ITPR1: variants seen among roughly 807,000 people sequenced by gnomAD.
The protein encoded by ITPR1 is inositol 1,4,5-trisphosphate receptor type 1, also known as inositol 1,4,5-trisphosphate-gated calcium channel ITPR1.
ITPR1 carries 96 observed loss-of-function variants against 318.4 expected under a neutral mutation model. The ratio of observed to expected loss-of-function variants is 0.30; its 90% CI spans 0.26 to 0.36. The LOEUF (loss-of-function observed/expected upper bound fraction) is 0.36. Among genes scored for constraint, ITPR1 ranks in the 10% least tolerant of loss-of-function variants. ITPR1 has a pLI of 1.00. For synonymous variants in ITPR1, 1,312 were observed against 1,289.9 expected (o/e 1.02, Z -0.37); for missense variants, 2,440 against 3,460.2 (o/e 0.71, Z 7.40).
At chr3:4,657,882 G>T (rs1244712734) in intron 12 of ITPR1, among the ~76,000 whole-genome samples, 1 of 152,198 alleles carries the variant, frequency 6.6e-6, no homozygotes, top group Non-Finnish European at 1.5e-5. Context: ...TGGGATTACA[G>T]GTGTGAGCCA....
Position 4,779,495 on chromosome 3 carries a change from G to T in ITPR1, c.6292-55G>T. ...TGTGCCAGTTGGCACCTGCATTCAGGCCGGGCCCCCAAGCAGCCCCTCTAC... is the reference window on the plus strand; with the variant it reads ...TGTGCCAGTTGGCACCTGCATTCAGTCCGGGCCCCCAAGCAGCCCCTCTAC... On this transcript the variant is annotated intron_variant, in intron 48 of 61. Coordinates refer to ENST00000649015, the MANE Select transcript of ITPR1 (RefSeq NM_001378452.1). This position sits in a 1 kb window ranked among gnomAD's most constrained non-coding sequence, Gnocchi z 4.0. 7.4e-7 allele frequency: 1 copy of T among 1,353,364 alleles called. No individual in the cohort carries two copies. The highest frequency in any genetic ancestry group is 1.1e-6 in the Non-Finnish European group (1 of 945,574). The allele number at this position is 1,353,364 out of a possible 1,614,324, so 83.8% of individuals were successfully genotyped here. A position where few individuals can be genotyped will look rare whatever the true frequency, so the allele number is the denominator to read the frequency against.
chr3:4,810,770 A>G (rs149286968), intron 55 of ITPR1, among the ~76,000 whole-genome samples: 1 of 152,336 alleles, frequency 6.6e-6, no homozygotes, highest in Non-Finnish European at 1.5e-5. Context: ...TACGGTGGAC[A>G]GTAGCTGAGC....
At chr3:4,640,734 C>T (rs1454338509) in intron 6 of ITPR1, among the ~76,000 whole-genome samples, 2 of 152,214 alleles carry the variant, frequency 1.3e-5, no homozygotes, top group African/African-American at 4.8e-5. Context: ...GGCATCTGCT[C>T]TTTAGGATGG....
At chr3:4,622,389 A>T (rs1169477046) in intron 4 of ITPR1, among the ~76,000 whole-genome samples, 2 of 151,552 alleles carry the variant, frequency 1.3e-5, no homozygotes, top group African/African-American at 2.4e-5. Context: ...CTGGGATTAC[A>T]GGCATAAGCC....
Position 4,685,052 on chromosome 3 carries a change from T to C in ITPR1, c.3565-17T>C, listed in dbSNP as rs760881384. ...TAGTTCCTAGTTTTCTGAGACTGAT[T>C]TCTTTCATTCTACTAGATTTTGATT... On this transcript the variant is annotated splice_polypyrimidine_tract_variant and intron_variant, in intron 29 of 61. Transcript: ENST00000649015. 1.0e-5 allele frequency: 16 copies of C among 1,604,076 alleles called. No individual in the cohort carries two copies. Among genetic ancestry groups the C allele is most frequent in the Non-Finnish European group, 1.4e-5 (16 of 1,174,776 alleles).
intron 35 of ITPR1, 91 bp from the exon 36 acceptor site, chr3:4,702,739 G>T (rs1255825238): frequency 1.4e-6 from 2 of 1,399,276 alleles, no homozygotes; most frequent in South Asian, 2.6e-5. Flanking sequence ...GGGTCCAGTG[G>T]TTCAAGACAA....
chr3:4,828,618 A>C (rs980336419), intron 60 of ITPR1, among the ~76,000 whole-genome samples: 2 of 152,152 alleles, frequency 1.3e-5, no homozygotes, highest in African/African-American at 4.8e-5. Context: ...GGTGCCCAGG[A>C]AATCCTCCAC....
chr3:4,821,970 C>A (rs2049752380), intron 60 of ITPR1, among the ~76,000 whole-genome samples: 1 of 152,206 alleles, frequency 6.6e-6, no homozygotes, highest in Admixed American at 6.5e-5. Flanking sequence ...GGGAGTATCC[C>A]CCTCAAAGCT....
chr3:4,503,665 G>C (rs1376577592), intron 2 of ITPR1, among the ~76,000 whole-genome samples: 1 of 151,980 alleles, frequency 6.6e-6, no homozygotes, highest in Non-Finnish European at 1.5e-5. Flanking sequence ...TGGTGCACAG[G>C]ATAGCCCCCC....
At chr3:4,764,805 G>A (rs2045698985) in intron 44 of ITPR1, among the ~76,000 whole-genome samples, 1 of 152,196 alleles carries the variant, frequency 6.6e-6, no homozygotes, top group African/African-American at 2.4e-5. Context: ...TAGTCATTAT[G>A]GTGATTGTTG....
In ITPR1 at chr3:4,693,625, G is replaced by A. The variant is rs746865797; in HGVS notation, c.4165G>A (p.Glu1389Lys). The A allele has an allele frequency of 1.5e-5, 24 of 1,613,920 alleles. No individual in the cohort carries two copies. Among genetic ancestry groups the A allele is most frequent in the Non-Finnish European group, 2.0e-5 (24 of 1,179,906 alleles). Residue 1389 changes from glutamate to lysine, a missense_variant, in exon 33 of 62, where the codon GAG (glutamate) becomes AAG (lysine). Glu to Lys is a moderately conservative substitution (Grantham distance 56). Coordinates refer to ENST00000649015, the MANE Select transcript of ITPR1 (RefSeq NM_001378452.1). The stretch of plus-strand genomic sequence containing the variant: ...TCTCATGTACCACATCCACTTGGTC[G>A]AGCTCCTGGCTGTGTGCACGGAGGG... ...SPLMYHIHLV[E>K]LLAVCTEGKN...
intron 4 of ITPR1, among the ~76,000 whole-genome samples, chr3:4,532,770 G>GAT (rs2083525337): frequency 6.6e-6 from 1 of 152,214 alleles, no homozygotes; most frequent in Admixed American, 6.5e-5. Context: ...ATAGAAGACA[G>GAT]ATGTTCTGAG....
At chr3:4,768,247 G>C (rs2045944928) in intron 45 of ITPR1, 1 of 358,242 alleles carries the variant, frequency 2.8e-6, no homozygotes, top group African/African-American at 2.1e-5. Flanking sequence ...GTGTGAGGCT[G>C]ACAGAACCTG....
At chr3:4,501,812 C>A (rs1159194059) in intron 2 of ITPR1, among the ~76,000 whole-genome samples, 1 of 152,220 alleles carries the variant, frequency 6.6e-6, no homozygotes, top group Non-Finnish European at 1.5e-5. Flanking sequence ...GGCACATGTA[C>A]CCCTACTTAG....
At position 4,809,845 on chromosome 3, in the gene ITPR1, T is replaced by C. The variant is rs79235741; in HGVS notation, c.7273-1420T>C. On this transcript the variant is annotated intron_variant, in intron 55 of 61. Transcript: ENST00000649015. ...AGTTGCGCTTACTTGCCACTTTATA[T>C]TGAGCTGCTGGAAAACATTTAACCA... Among the ~76,000 whole-genome samples, 939 of 152,322 alleles carry C rather than the reference T, an allele frequency of 6.2e-3. 12 individuals are homozygous for C. The highest frequency in any genetic ancestry group is 0.021 in the African/African-American group (866 of 41,564).
chr3:4,813,494 G>A (rs1289617478), intron 57 of ITPR1, among the ~76,000 whole-genome samples: 1 of 152,214 alleles, frequency 6.6e-6, no homozygotes, highest in African/African-American at 2.4e-5. Flanking sequence ...CAGTAATGTA[G>A]TGGAGGGTGC....
At chr3:4,650,020 T>A (rs1486888257) in intron 10 of ITPR1, among the ~76,000 whole-genome samples, 1 of 152,224 alleles carries the variant, frequency 6.6e-6, no homozygotes, top group East Asian at 1.9e-4. Flanking sequence ...CCAGATAACA[T>A]GTTGAAAGTG....
In ITPR1 at chr3:4,557,705, C is replaced by A. The variant is rs536533214; in HGVS notation, c.163+36611C>A. ...AATTGTTTGAGGTTTCTTTTTCTTT[C>A]ACATTATTTTTGCAGATTTTATACT... On this transcript the variant is annotated intron_variant, in intron 4 of 61. Transcript: ENST00000649015. Among the ~76,000 whole-genome samples the A allele has an allele frequency of 2.1e-4, 32 of 152,230 alleles. No homozygotes were observed. The South Asian group carries it at 6.4e-3, about 31-fold the overall frequency.
chr3:4,727,757 G>A lies in ITPR1; in HGVS notation c.5220+584G>A, dbSNP rs376594144. On this transcript the variant is annotated intron_variant, in intron 42 of 61. Transcript: ENST00000649015. ...TAGTTTTCTTTTATTTTTTATTTTTGTAGAGACAGAGTCTTGCTATGTTTC... is the reference window on the plus strand; with the variant it reads ...TAGTTTTCTTTTATTTTTTATTTTTATAGAGACAGAGTCTTGCTATGTTTC... 6.6e-5 allele frequency among the ~76,000 whole-genome samples: 10 copies of A among 152,122 alleles called. No individual in the cohort carries two copies. The South Asian group carries it at 1.9e-3, about 28-fold the overall frequency.
Sources: allele counts gnomAD v4.1 joint callset (sites outside exome capture counted in the v4.1 genomes callset), GRCh38; gene constraint gnomAD v4.1.1; non-coding constraint Gnocchi (gnomAD v3.1); transcripts MANE v1.5; gene names NCBI Gene and HGNC (gene_info 2026-07-23, HGNC 2026-07-21).